Variants in GRIK4 observed in about 807,000 individuals in gnomAD.
GRIK4 encodes the protein glutamate ionotropic receptor kainate type subunit 4.
Under a neutral mutation model 104.9 loss-of-function variants are expected in GRIK4, and 40 were observed. The ratio of observed to expected loss-of-function variants is 0.38; its 90% confidence interval spans 0.30 to 0.50. The LOEUF (loss-of-function observed/expected upper bound fraction) is 0.50. GRIK4 is among the 20% of genes least tolerant of loss of function. The pLI, the probability that GRIK4 is intolerant of heterozygous loss-of-function variation, is 0.93. For missense variants in GRIK4, 1,047 were observed against 1,308.1 expected (o/e 0.80, Z 3.08); for synonymous variants, 485 against 524.9 (o/e 0.92, Z 1.04).
chr11:120,784,979 A>G (rs867328978), intron 3 of GRIK4, among the ~76,000 whole-genome samples: 82 of 152,174 alleles, frequency 5.4e-4, no homozygotes, highest in African/African-American at 1.9e-3. Flanking sequence ...GATCTGGGCT[A>G]GGTCTCCCCT....
Position 120,956,741 on chromosome 11 carries a change from G to A in GRIK4, c.1701-39G>A, listed in dbSNP as rs756749488. Reference sequence around the variant, plus strand: ...GCCTGCCTGTGTCCCTTCACACCCCGCCTCTGTGGCACTAGTGTATGTTCC... The same window carrying A: ...GCCTGCCTGTGTCCCTTCACACCCCACCTCTGTGGCACTAGTGTATGTTCC... On this transcript the variant is annotated intron_variant, in intron 15 of 20. Transcript: ENST00000527524. This position sits in a 1 kb window ranked among gnomAD's most constrained non-coding sequence, Gnocchi z 4.6. 1.7e-5 allele frequency: 25 copies of A among 1,440,976 alleles called. No homozygotes were observed. Among genetic ancestry groups the A allele is most frequent in the African/African-American group, 5.6e-5 (4 of 71,706 alleles). The allele number at this position is 1,440,976 out of a possible 1,614,324, so 89.3% of individuals were successfully genotyped here. A position where few individuals can be genotyped will look rare whatever the true frequency, so the allele number is the denominator to read the frequency against.
At chr11:120,658,885 A>T (rs1949764708) in intron 2 of GRIK4, among the ~76,000 whole-genome samples, 1 of 151,498 alleles carries the variant, frequency 6.6e-6, no homozygotes, top group African/African-American at 2.4e-5. Flanking sequence ...AGCAGCTGGG[A>T]CTATAGGCGC....
chr11:120,773,523 A>C (rs1344108974), intron 3 of GRIK4, among the ~76,000 whole-genome samples: 2 of 152,224 alleles, frequency 1.3e-5, no homozygotes, highest in Non-Finnish European at 2.9e-5. Flanking sequence ...GAATGGATGC[A>C]GTGGCAGCCT....
In GRIK4 at chr11:120,603,353, C is replaced by G. The variant is rs995425285; in HGVS notation, c.-158-50332C>G. On this transcript the variant is annotated intron_variant, in intron 1 of 20. Transcript: ENST00000527524. ...TCCCTGATTCTGCCTTCAGTGACAT[C>G]AGGCTGGCAGCTTGAAATTGGCCAT... 3.3e-5 allele frequency among the ~76,000 whole-genome samples: 5 copies of G among 152,368 alleles called. No homozygotes were observed. In the South Asian group the frequency reaches 6.2e-4, roughly 19 times the overall value.
rs114718409 is a variant in GRIK4, at chr11:120,866,933, T to C, written c.906+4813T>C. Among the ~76,000 whole-genome samples the C allele has an allele frequency of 1.4e-3, 218 of 152,302 alleles. 1 individual carries two copies. Among genetic ancestry groups the C allele is most frequent in the African/African-American group, 5.0e-3 (208 of 41,550 alleles). ...GAAATTATCCTGCCTTCTCCTATTT[T>C]CCTTCTCAGGGCATCCTCGTAACAG... On this transcript the variant is annotated intron_variant, in intron 9 of 20. Coordinates refer to ENST00000527524, the MANE Select transcript of GRIK4 (RefSeq NM_014619.5).
chr11:120,728,533 GATATA>G (rs1218860725), intron 3 of GRIK4, among the ~76,000 whole-genome samples: 4 of 152,160 alleles, frequency 2.6e-5, no homozygotes, highest in African/African-American at 9.6e-5. Flanking sequence ...TGACAATATA[GATATA>G]ATATTAAAAA....
chr11:120,544,213 G>A (rs922861449), intron 1 of GRIK4, among the ~76,000 whole-genome samples: 23 of 152,212 alleles, frequency 1.5e-4, no homozygotes, highest in Non-Finnish European at 2.6e-4. Context: ...TGGCCTTGGT[G>A]GTGATAGTAG....
At chr11:120,676,876 T>C (rs1286426108) in intron 3 of GRIK4, among the ~76,000 whole-genome samples, 1 of 152,226 alleles carries the variant, frequency 6.6e-6, no homozygotes, top group Non-Finnish European at 1.5e-5. Context: ...CCATTATTCT[T>C]TCTACAACAA....
chr11:120,602,648 G>T (rs979216809), intron 1 of GRIK4, among the ~76,000 whole-genome samples: 3 of 152,202 alleles, frequency 2.0e-5, no homozygotes, highest in Non-Finnish European at 4.4e-5. Context: ...AGGCCTATCT[G>T]GGTATGAGGG....
At chr11:120,569,325 C>T (rs1398693507) in intron 1 of GRIK4, among the ~76,000 whole-genome samples, 1 of 152,210 alleles carries the variant, frequency 6.6e-6, no homozygotes, top group Non-Finnish European at 1.5e-5. Context: ...TAGAAAATTA[C>T]TATGACCAAT....
intron 13 of GRIK4, among the ~76,000 whole-genome samples, chr11:120,921,128 C>T (rs113671812): frequency 1.6e-3 from 239 of 152,328 alleles, no homozygotes; most frequent in African/African-American, 5.1e-3. Flanking sequence ...CCCCCATCCT[C>T]TCATTTAGTC....
At chr11:120,984,385 T>G (rs2134809413) in intron 20 of GRIK4, among the ~76,000 whole-genome samples, 1 of 152,336 alleles carries the variant, frequency 6.6e-6, no homozygotes, top group African/African-American at 2.4e-5. Flanking sequence ...GAGTCAGCTA[T>G]TAGTCAATTT....
chr11:120,695,186 C>T (rs1565299907), intron 3 of GRIK4, among the ~76,000 whole-genome samples: 1 of 152,214 alleles, frequency 6.6e-6, no homozygotes, highest in East Asian at 1.9e-4. Context: ...TGTTCATTCT[C>T]ACGAGCTGGG....
chr11:120,587,353 T>G (rs1948679984), intron 1 of GRIK4, among the ~76,000 whole-genome samples: 1 of 152,096 alleles, frequency 6.6e-6, no homozygotes, highest in Admixed American at 6.6e-5. Context: ...AAAAAAATCT[T>G]ATAATGTCAC....
intron 3 of GRIK4, among the ~76,000 whole-genome samples, chr11:120,675,528 C>T (rs1379174313): frequency 1.3e-5 from 2 of 152,144 alleles, no homozygotes; most frequent in Non-Finnish European, 2.9e-5. Context: ...GGTGAAGTAG[C>T]ATGCACAGTG....
rs571799884 is a variant in GRIK4, at chr11:120,726,468, A to G, written c.82+66068A>G. On this transcript the variant is annotated intron_variant, in intron 3 of 20. Coordinates refer to ENST00000527524, the MANE Select transcript of GRIK4 (RefSeq NM_014619.5). ...CAGTGTTGATGGTAAAAAGCAATTGAATTAGAGATGTATTTTGGAGATAGA... is the reference window on the plus strand; with the variant it reads ...CAGTGTTGATGGTAAAAAGCAATTGGATTAGAGATGTATTTTGGAGATAGA... 3.3e-5 allele frequency among the ~76,000 whole-genome samples: 5 copies of G among 152,250 alleles called. No individual in the cohort carries two copies. The South Asian group carries it at 1.0e-3, about 32-fold the overall frequency.
In GRIK4 at chr11:120,930,927, T is replaced by C. The variant is rs564714443; in HGVS notation, c.1477-9420T>C. ...GCAGAGGAGTGGGAGTCGTGAATAA[T>C]TTCTTAGGGAGGACAGGTATAGTTG... is the stretch of plus-strand genomic sequence containing the variant. On this transcript the variant is annotated intron_variant, in intron 13 of 20. Coordinates refer to ENST00000527524, the MANE Select transcript of GRIK4 (RefSeq NM_014619.5). Among the ~76,000 whole-genome samples the C allele has an allele frequency of 6.6e-5, 10 of 152,244 alleles. No individual in the cohort carries two copies. The East Asian group carries it at 1.9e-3, about 29-fold the overall frequency.
chr11:120,615,222 G>A (rs1228994038), intron 1 of GRIK4, among the ~76,000 whole-genome samples: 1 of 152,124 alleles, frequency 6.6e-6, no homozygotes, highest in East Asian at 1.9e-4. Context: ...CAGCTTGTAG[G>A]AGGCCGATTG....
At chr11:120,671,912 G>C (rs1950024074) in intron 3 of GRIK4, among the ~76,000 whole-genome samples, 1 of 152,082 alleles carries the variant, frequency 6.6e-6, no homozygotes, top group African/African-American at 2.4e-5. Context: ...TTTTTGCCAG[G>C]TTTGTCAAAG....
Sources: allele counts gnomAD v4.1 joint callset (sites outside exome capture counted in the v4.1 genomes callset), GRCh38; gene constraint gnomAD v4.1.1; non-coding constraint Gnocchi (gnomAD v3.1); transcripts MANE v1.5; gene names NCBI Gene and HGNC (gene_info 2026-07-23, HGNC 2026-07-21).